The following PTPRN2 variants were observed in gnomAD, a reference collection of about 807,000 sequenced individuals.
PTPRN2 encodes protein tyrosine phosphatase receptor type N2.
PTPRN2 carries 74 observed loss-of-function variants against 118.8 expected under a neutral mutation model. The observed-to-expected ratio is 0.62, with a 90% CI of 0.52 to 0.76. The LOEUF is 0.76. Among genes scored for constraint, PTPRN2 ranks in the 30% least tolerant of loss-of-function variants. PTPRN2 has a pLI of 0.00. For synonymous variants in PTPRN2, 641 were observed against 608.0 expected (o/e 1.05, Z -0.80); for missense variants, 1,481 against 1,394.4 (o/e 1.06, Z -0.99).
rs542302881 is a variant in PTPRN2, at chr7:157,856,219, G to T, written c.1788+42454C>A. 180 of 152,386 alleles carry T rather than the reference G, an allele frequency of 1.2e-3. 1 individual carries two copies. Among genetic ancestry groups the T allele is most frequent in the African/African-American group, 4.2e-3 (173 of 41,590 alleles). The allele number at this position is 152,386 out of a possible 1,614,324, so 9.4% of individuals were successfully genotyped here. A position where few individuals can be genotyped will look rare whatever the true frequency, so the allele number is the denominator to read the frequency against. On this transcript the variant is annotated intron_variant, in intron 12 of 22. Coordinates refer to ENST00000389418, the MANE Select transcript of PTPRN2 (RefSeq NM_002847.5). Reference sequence around the variant, plus strand: ...ATTTGGAAAGATGTGAAGTGGGTTAGAAAATGTCATTTCCATGCTTTTTAG... The same window carrying T: ...ATTTGGAAAGATGTGAAGTGGGTTATAAAATGTCATTTCCATGCTTTTTAG...
In PTPRN2 at chr7:157,944,446, A is replaced by G. The variant is rs1163562846; in HGVS notation, c.1724-45709T>C. Among the ~76,000 whole-genome samples, 9 of 152,220 alleles carry G rather than the reference A, an allele frequency of 5.9e-5. No homozygotes were observed. Among genetic ancestry groups the G allele is most frequent in the Non-Finnish European group, 8.8e-5 (6 of 68,036 alleles). ...GTGGCACAAATATGTGTTTATCGAG[A>G]GAAACCTAAGTTTGTGAGAAAAGGA... On this transcript the variant is annotated intron_variant, in intron 11 of 22. Transcript: ENST00000389418. The surrounding 1 kb of genome is among the most constrained non-coding windows in gnomAD (Gnocchi z 4.3).
chr7:157,992,118 T>A (rs923712443), intron 11 of PTPRN2, among the ~76,000 whole-genome samples: 1 of 152,274 alleles, frequency 6.6e-6, no homozygotes, highest in Admixed American at 6.5e-5. Flanking sequence ...GCACTCAGTA[T>A]GTTTTTAAAG....
chr7:157,857,514 G>T (rs977314641), intron 12 of PTPRN2: 1 of 152,190 alleles, frequency 6.6e-6, no homozygotes, highest in African/African-American at 2.4e-5. Flanking sequence ...GAGGGTGCCC[G>T]CCCCACAGCC....
intron 12 of PTPRN2, among the ~76,000 whole-genome samples, chr7:157,853,967 C>T (rs916410402): frequency 6.6e-6 from 1 of 152,202 alleles, no homozygotes; most frequent in African/African-American, 2.4e-5. Flanking sequence ...ACGGAGACGG[C>T]ACCCACAAGC....
intron 12 of PTPRN2, among the ~76,000 whole-genome samples, chr7:157,793,157 G>A (rs1450106652): frequency 2.0e-5 from 3 of 152,172 alleles, no homozygotes; most frequent in African/African-American, 7.2e-5. Context: ...GCCTGGAGCT[G>A]CCCAGGACGG....
chr7:158,020,211 A>T (rs565109004), intron 11 of PTPRN2, among the ~76,000 whole-genome samples: 2 of 152,276 alleles, frequency 1.3e-5, no homozygotes, highest in South Asian at 4.1e-4. Context: ...TGGCTCTGTG[A>T]GTTACACCTG....
chr7:157,594,060 C>T (rs1490344692), intron 17 of PTPRN2, among the ~76,000 whole-genome samples: 2 of 152,222 alleles, frequency 1.3e-5, no homozygotes, highest in Non-Finnish European at 2.9e-5. Flanking sequence ...TCTCCAATAC[C>T]CATGTGCCTT....
chr7:158,423,121 C>T (rs1049173663), intron 2 of PTPRN2, among the ~76,000 whole-genome samples: 8 of 152,234 alleles, frequency 5.3e-5, no homozygotes, highest in Non-Finnish European at 8.8e-5. Context: ...TTATCTCCAA[C>T]GCTGTCACTT....
At chr7:157,553,646 C>A (rs892636282) in intron 21 of PTPRN2, among the ~76,000 whole-genome samples, 2 of 152,170 alleles carry the variant, frequency 1.3e-5, no homozygotes, top group African/African-American at 4.8e-5. Flanking sequence ...CAAAATGACA[C>A]GGGAGCGTGC....
chr7:157,650,359 C>T (rs929839818), intron 14 of PTPRN2, among the ~76,000 whole-genome samples: 1 of 152,222 alleles, frequency 6.6e-6, no homozygotes, highest in Non-Finnish European at 1.5e-5. Context: ...GCCTATGCCA[C>T]GCAGTCCTCA....
At chr7:158,395,222 G>GT (rs1812255322) in intron 2 of PTPRN2, among the ~76,000 whole-genome samples, 1 of 151,152 alleles carries the variant, frequency 6.6e-6, no homozygotes, top group Non-Finnish European at 1.5e-5. Flanking sequence ...ATGGCACGCA[G>GT]GCGCGGTCTC....
At chr7:157,928,757 A>C in intron 11 of PTPRN2, among the ~76,000 whole-genome samples, 1 of 146,292 alleles carries the variant, frequency 6.8e-6, no homozygotes, top group Non-Finnish European at 1.5e-5. Flanking sequence ...GGTGGGAGAT[A>C]GGGATGGGAG....
chr7:158,435,616 T>G (rs925038974), intron 2 of PTPRN2, among the ~76,000 whole-genome samples: 1 of 152,232 alleles, frequency 6.6e-6, no homozygotes, highest in Non-Finnish European at 1.5e-5. Context: ...AAGAGATACT[T>G]GCATTCCCAC....
intron 15 of PTPRN2, among the ~76,000 whole-genome samples, chr7:157,607,436 G>T (rs932268849): frequency 1.3e-5 from 2 of 152,274 alleles, no homozygotes; most frequent in Non-Finnish European, 2.9e-5. Flanking sequence ...AGGCACTTGT[G>T]AGACCAGCAA....
chr7:158,256,418 A>G (rs1229867812), intron 3 of PTPRN2, among the ~76,000 whole-genome samples: 1 of 152,246 alleles, frequency 6.6e-6, no homozygotes, highest in Admixed American at 6.5e-5. Flanking sequence ...CCAGCCAGTC[A>G]CAAGTGCAGG....
intron 2 of PTPRN2, among the ~76,000 whole-genome samples, chr7:158,348,270 C>T (rs553424392): frequency 1.3e-4 from 20 of 151,834 alleles, no homozygotes; most frequent in African/African-American, 3.9e-4. Flanking sequence ...ACCCTGGGTT[C>T]GCCATTCACA....
chr7:157,634,069 C>T (rs1804140680), intron 14 of PTPRN2, among the ~76,000 whole-genome samples: 1 of 152,148 alleles, frequency 6.6e-6, no homozygotes, highest in Admixed American at 6.5e-5. Context: ...GGGCAGGGTG[C>T]ACCGCGTCCT....
chr7:158,337,772 GTCAC>G (rs1805975584), intron 2 of PTPRN2, among the ~76,000 whole-genome samples: 2 of 89,624 alleles, frequency 2.2e-5, no homozygotes, highest in African/African-American at 9.7e-5. Context: ...ACCTGCAAAC[GTCAC>G]TCACACCCAC....
In PTPRN2 at chr7:157,560,115, TGAG is replaced by T. The variant is rs562432016; in HGVS notation, c.2902+8784_2902+8786del. ...TGGGCCTGAGGTGTCTGCGTGACCA[TGAG>T]GAGAAGCGGAGGACAGCCCAGGTGA... On this transcript the variant is annotated intron_variant, in intron 21 of 22. Coordinates refer to ENST00000389418, the MANE Select transcript of PTPRN2 (RefSeq NM_002847.5). The surrounding 1 kb of genome is among the most constrained non-coding windows in gnomAD (Gnocchi z 6.7). Among the ~76,000 whole-genome samples the T allele has an allele frequency of 3.5e-4, 53 of 152,048 alleles. 2 individuals are homozygous for T. In the South Asian group the frequency reaches 0.011, roughly 32 times the overall value.
Sources: allele counts gnomAD v4.1 joint callset (sites outside exome capture counted in the v4.1 genomes callset), GRCh38; gene constraint gnomAD v4.1.1; non-coding constraint Gnocchi (gnomAD v3.1); transcripts MANE v1.5; gene names NCBI Gene and HGNC (gene_info 2026-07-23, HGNC 2026-07-21).